The following FLOT1 variants were observed in gnomAD, a reference collection of about 807,000 sequenced individuals.
FLOT1 encodes flotillin 1.
In FLOT1, 40 loss-of-function variants were observed where a neutral mutation model predicts 58.4. The ratio of observed to expected loss-of-function variants is 0.69; its 90% CI spans 0.53 to 0.89. The LOEUF is 0.89. FLOT1 is among the 40% of genes least tolerant of loss of function. FLOT1 has a pLI of 0.00. For synonymous variants in FLOT1, 178 were observed against 204.2 expected, an observed-to-expected ratio of 0.87 and a Z score of 1.09; for missense variants, 423 against 540.8, an observed-to-expected ratio of 0.78 and a Z score of 2.16.
At chr6:30,740,833 A>AG in intron 5 of FLOT1, 35 bp from the exon 6 acceptor site, 1 of 1,296,708 alleles carries the variant, frequency 7.7e-7, no homozygotes, top group East Asian at 2.6e-5. Flanking sequence ...AAGGGATGTA[A>AG]GTTTTTTTTT....
At chr6:30,730,635 A>AC in intron 10 of FLOT1, 47 bp downstream of exon 10, 1 of 1,613,454 alleles carries the variant, frequency 6.2e-7, no homozygotes, top group Non-Finnish European at 8.5e-7. Context: ...TCAAGCAGCA[A>AC]CCCCCACCCT....
Position 30,742,440 on chromosome 6 carries a change from GT to G in FLOT1, c.-15+86del. On this transcript the variant is annotated intron_variant, in intron 1 of 12. Transcript: ENST00000376389. The surrounding 1 kb of genome is among the most constrained non-coding windows in gnomAD (Gnocchi z 5.2). ...CCCCTCGCCGCTCCCTTTGATAAAG[GT>G]CCCCCGCGCCCAGAGGCCTGCAGAC... is the stretch of plus-strand genomic sequence containing the variant. 1.7e-6 allele frequency: 1 copy of G among 577,542 alleles called. No individual in the cohort carries two copies. The highest frequency in any genetic ancestry group is 3.1e-6 in the Non-Finnish European group (1 of 323,334). The allele number at this position is 577,542 out of a possible 1,614,324, so 35.8% of individuals were successfully genotyped here.
rs148516220 is a variant in FLOT1, at chr6:30,737,208, TCGTCCGTC to T, written c.723+2942_723+2949del. Among the ~76,000 whole-genome samples, 17,857 of 138,034 alleles carry T rather than the reference TCGTCCGTC, an allele frequency of 0.13. 1,344 individuals are homozygous for T. The highest frequency in any genetic ancestry group is 0.24 in the South Asian group (1,034 of 4,358). 90.6% of individuals were successfully genotyped at this position (138,034 alleles called of 152,430 possible). ...GACTGACTGACTGACTGACTGTCTG[TCGTCCGTC>T]CGTCCGTCCGTCCGTCCGTCCGTCC... On this transcript the variant is annotated intron_variant, in intron 8 of 12. Transcript: ENST00000376389. This position sits in a 1 kb window ranked among gnomAD's most constrained non-coding sequence, Gnocchi z 4.4.
rs901457596 is a variant in FLOT1, at chr6:30,740,731, T to C, written c.422A>G (p.Asn141Ser). 10 of 1,612,966 alleles carry C rather than the reference T, an allele frequency of 6.2e-6. No individual in the cohort carries two copies. Among genetic ancestry groups the C allele is most frequent in the Non-Finnish European group, 8.5e-6 (10 of 1,180,040 alleles). ...GTAGCTAACCACACTGATGCCCATG[T>C]TGACCAGGTCTGAGGAGGCCACTTT... is the stretch of plus-strand genomic sequence containing the variant. ...VFKVASSDLVNMGISVVSYTL... is the reference protein window; with the variant it reads ...VFKVASSDLVSMGISVVSYTL... The change falls in exon 6 of 13, where the codon AAC becomes AGC. Residue 141 changes from asparagine (N) to serine (S), a missense_variant. By Grantham distance (46) the Asn-to-Ser change is conservative (BLOSUM62 1). Transcript: ENST00000376389.
At chr6:30,740,463 C>T in intron 7 of FLOT1, 33 bp downstream of exon 7, 1 of 1,605,310 alleles carries the variant, frequency 6.2e-7, no homozygotes. Flanking sequence ...ACTTCTATCC[C>T]CTTTCCCACT....
chr6:30,730,640 C>T, intron 10 of FLOT1, 42 bp downstream of exon 10: 1 of 1,613,788 alleles, frequency 6.2e-7, no homozygotes, highest in South Asian at 1.1e-5. Flanking sequence ...CAGCAACCCC[C>T]ACCCTCTCCA....
Position 30,740,693 on chromosome 6 carries a change from T to C in FLOT1, c.460A>G (p.Ile154Val). The part of the protein sequence containing the change: ...ISVVSYTLKD[I>V]HDDQDYLHSL... Reference sequence around the variant, plus strand: ...CCTAGTTTTACCTGGTCATCGTGAATGTCCTTCAGAGTGTAGCTAACCACA... The same window carrying C: ...CCTAGTTTTACCTGGTCATCGTGAACGTCCTTCAGAGTGTAGCTAACCACA... The change falls in exon 6 of 13, where the codon ATT becomes GTT. Residue 154 changes from isoleucine (I) to valine (V), a missense_variant. Coordinates refer to ENST00000376389, the MANE Select transcript of FLOT1 (RefSeq NM_005803.4). 6.2e-7 allele frequency: 1 copy of C among 1,613,066 alleles called. No homozygotes were observed. The highest frequency in any genetic ancestry group is 1.3e-5 in the African/African-American group (1 of 75,032).
At position 30,739,867 on chromosome 6, in the gene FLOT1, G is replaced by T. The variant is rs143426998; in HGVS notation, c.723+291C>A. ...CGCATAGACACGGTTTCACCATGTT[G>T]CCCAGGCTGGCCTTGAACTCCTGAG... On this transcript the variant is annotated intron_variant, in intron 8 of 12. Transcript: ENST00000376389. Among the ~76,000 whole-genome samples, 257 of 150,044 alleles carry T rather than the reference G, an allele frequency of 1.7e-3. 3 individuals are homozygous for T. The highest frequency in any genetic ancestry group is 2.6e-3 in the Non-Finnish European group (177 of 67,580).
In FLOT1 at chr6:30,737,208, T is replaced by TCGTC. The variant is rs148516220; in HGVS notation, c.723+2946_723+2949dup. Among the ~76,000 whole-genome samples, 2,438 of 138,054 alleles carry TCGTC rather than the reference T, an allele frequency of 0.018. 50 individuals carry two copies. Among genetic ancestry groups the TCGTC allele is most frequent in the South Asian group, 0.051 (223 of 4,360 alleles). The allele number at this position is 138,054 out of a possible 152,430, so 90.6% of individuals were successfully genotyped here. On this transcript the variant is annotated intron_variant, in intron 8 of 12. Transcript: ENST00000376389. The surrounding 1 kb of genome is among the most constrained non-coding windows in gnomAD (Gnocchi z 4.4). The stretch of plus-strand genomic sequence containing the variant: ...GACTGACTGACTGACTGACTGTCTG[T>TCGTC]CGTCCGTCCGTCCGTCCGTCCGTCC...
At chr6:30,730,335 C>T in intron 11 of FLOT1, 93 bp downstream of exon 11, 1 of 1,505,760 alleles carries the variant, frequency 6.6e-7, no homozygotes, top group Non-Finnish European at 9.0e-7. Flanking sequence ...TAGAGTCCCC[C>T]TAGGCTGTTT....
chr6:30,729,994 TCTC>T (rs770784285), intron 12 of FLOT1, 25 bp downstream of exon 12: 51 of 1,608,528 alleles, frequency 3.2e-5, no homozygotes, highest in Non-Finnish European at 4.2e-5. Flanking sequence ...ACCTAGCAAT[TCTC>T]CTCAGCTCCA....
chr6:30,730,268 C>A, intron 11 of FLOT1, 82 bp from the exon 12 acceptor site: 2 of 1,536,526 alleles, frequency 1.3e-6, no homozygotes, highest in South Asian at 2.3e-5. Flanking sequence ...TTTTAAGGTC[C>A]TCGTTCCACT....
In FLOT1 at chr6:30,733,097, G is replaced by A. The variant is rs138010128; in HGVS notation, c.724-1997C>T. ...GGCACCCAGGCTGGAGTGCAGTGAC[G>A]CAGTCTTGGCTCACTGCAATCTCCA... On this transcript the variant is annotated intron_variant, in intron 8 of 12. Coordinates refer to ENST00000376389, the MANE Select transcript of FLOT1 (RefSeq NM_005803.4). 6.9e-3 allele frequency among the ~76,000 whole-genome samples: 1,047 copies of A among 152,136 alleles called. 11 individuals are homozygous for A. Among genetic ancestry groups the A allele is most frequent in the Admixed American group, 9.6e-3 (147 of 15,278 alleles).
At chr6:30,730,748 G>A (rs779096425) in intron 9 of FLOT1, 21 bp from the exon 10 acceptor site, 6 of 1,612,808 alleles carry the variant, frequency 3.7e-6, no homozygotes, top group South Asian at 1.1e-5. Flanking sequence ...AAGGGAAGTG[G>A]AGGGTGGAGC....
chr6:30,738,098 C>T (rs1411721008), intron 8 of FLOT1, among the ~76,000 whole-genome samples: 1 of 152,200 alleles, frequency 6.6e-6, no homozygotes, highest in Non-Finnish European at 1.5e-5. Flanking sequence ...CAGTTTCCAT[C>T]ATGGTAACCC....
chr6:30,737,417 C>T lies in FLOT1; in HGVS notation c.723+2741G>A, dbSNP rs999270824. 6.6e-5 allele frequency among the ~76,000 whole-genome samples: 10 copies of T among 152,096 alleles called. No individual in the cohort carries two copies. Among genetic ancestry groups the T allele is most frequent in the Admixed American group, 6.6e-4 (10 of 15,260 alleles). The stretch of plus-strand genomic sequence containing the variant: ...AACTGCAGGCTCAAACCACCACACC[C>T]GGCTAATATTTTTTGTATTTTTGGT... On this transcript the variant is annotated intron_variant, in intron 8 of 12. Transcript: ENST00000376389. The surrounding 1 kb of genome is among the most constrained non-coding windows in gnomAD (Gnocchi z 4.4).
chr6:30,740,865 C>T (rs1777927556), intron 5 of FLOT1, 67 bp from the exon 6 acceptor site: 6 of 1,508,914 alleles, frequency 4.0e-6, no homozygotes, highest in Non-Finnish European at 5.3e-6. Context: ...TTGCTCACTG[C>T]AACCTCTGCC....
chr6:30,736,527 G>A (rs1443704088), intron 8 of FLOT1: 1 of 149,010 alleles, frequency 6.7e-6, no homozygotes, highest in African/African-American at 2.5e-5. Flanking sequence ...CTTTAGTGAG[G>A]TTTTAGGAGA....
chr6:30,730,605 T>G (rs1777102088), intron 10 of FLOT1, 40 bp from the exon 11 acceptor site: 1 of 1,613,778 alleles, frequency 6.2e-7, no homozygotes, highest in Non-Finnish European at 8.5e-7. Context: ...CGGAAATCAT[T>G]AAGAACAAGA....
Sources: allele counts gnomAD v4.1 joint callset (sites outside exome capture counted in the v4.1 genomes callset), GRCh38; gene constraint gnomAD v4.1.1; non-coding constraint Gnocchi (gnomAD v3.1); transcripts MANE v1.5; gene names NCBI Gene and HGNC (gene_info 2026-07-23, HGNC 2026-07-21).